Variants in PARM1 observed in about 807,000 individuals in gnomAD.
PARM1 encodes WSC4, cell wall integrity and stress response component 4 homolog.
Under a neutral mutation model 24.6 loss-of-function variants are expected in PARM1, and 14 were observed. The observed-to-expected ratio is 0.57, with a 90% CI of 0.38 to 0.89. PARM1 has a LOEUF of 0.89. PARM1 is among the 40% of genes least tolerant of loss of function. The probability of loss-of-function intolerance (pLI) is 0.00; values close to 1 mark genes in which losing one functional copy is unlikely to be tolerated. For synonymous variants in PARM1, 179 were observed against 156.6 expected, an observed-to-expected ratio of 1.14 and a Z score of -1.07; for missense variants, 362 against 380.4, an observed-to-expected ratio of 0.95 and a Z score of 0.40.
intron 1 of PARM1, among the ~76,000 whole-genome samples, chr4:74,981,645 G>A (rs1279422218): frequency 6.6e-6 from 1 of 152,128 alleles, no homozygotes; most frequent in Non-Finnish European, 1.5e-5. Context: ...GGGAGACCGA[G>A]GCGAGTGGAT....
At chr4:75,019,142 G>A (rs1047298266) in intron 2 of PARM1, among the ~76,000 whole-genome samples, 3 of 152,206 alleles carry the variant, frequency 2.0e-5, no homozygotes, top group African/African-American at 7.2e-5. Flanking sequence ...AAGAGAGAAA[G>A]ACGTGATCTG....
At position 74,998,300 on chromosome 4, in the gene PARM1, C is replaced by T. The variant is rs563488963; in HGVS notation, c.44-14125C>T. The stretch of plus-strand genomic sequence containing the variant: ...ATTTATGTTATTTTCAGCAGAGATG[C>T]AAACTCTGTAGTTAAAGCAAGCTGC... On this transcript the variant is annotated intron_variant, in intron 1 of 3. Coordinates refer to ENST00000307428, the MANE Select transcript of PARM1 (RefSeq NM_015393.4). Among the ~76,000 whole-genome samples the T allele has an allele frequency of 4.6e-5, 7 of 152,308 alleles. No homozygotes were observed. In the South Asian group the frequency reaches 1.4e-3, roughly 32 times the overall value.
chr4:74,991,051 A>T lies in PARM1; in HGVS notation c.44-21374A>T, dbSNP rs78489682. 8.4e-3 allele frequency among the ~76,000 whole-genome samples: 1,275 copies of T among 152,290 alleles called. 29 individuals carry two copies. Among genetic ancestry groups the T allele is most frequent in the African/African-American group, 0.03 (1,229 of 41,578 alleles). On this transcript the variant is annotated intron_variant, in intron 1 of 3. Coordinates refer to ENST00000307428, the MANE Select transcript of PARM1 (RefSeq NM_015393.4). ...AAGTAAAGAGTAATATATATTTTCA[A>T]CATGTGCATAGCACTGTATTAGGTG...
chr4:75,036,622 A>G (rs1175256019), intron 3 of PARM1, among the ~76,000 whole-genome samples: 2 of 152,210 alleles, frequency 1.3e-5, no homozygotes, highest in African/African-American at 4.8e-5. Flanking sequence ...CACATTAGTG[A>G]TGTGACACAG....
At position 75,033,915 on chromosome 4, in the gene PARM1, GC is replaced by G; in HGVS notation, c.804del (p.Val269TrpfsTer12). ...CGCCGCCATTACCGTGACAGTCATT[GC>G]CGTGGTGCTGCTGGTGTTTGGAGTT... ...SIAAITVTVIAVVLLVFGVAA... is the reference protein window; with the variant it reads ...SIAAITVTVIXVVLLVFGVAA... On this transcript the variant is annotated frameshift_variant, in exon 3 of 4. Coordinates refer to ENST00000307428, the MANE Select transcript of PARM1 (RefSeq NM_015393.4). LOFTEE classifies it high-confidence loss of function. 1 of 1,604,718 alleles carries G rather than the reference GC, an allele frequency of 6.2e-7. No homozygotes were observed. The highest frequency in any genetic ancestry group is 8.5e-7 in the Non-Finnish European group (1 of 1,175,628).
At chr4:74,936,284 A>G (rs1321203529) in intron 1 of PARM1, among the ~76,000 whole-genome samples, 2 of 152,152 alleles carry the variant, frequency 1.3e-5, no homozygotes, top group Admixed American at 6.5e-5. Flanking sequence ...CTGATTCCAG[A>G]TTAAAATACA....
chr4:75,036,986 T>C (rs558985203), intron 3 of PARM1, among the ~76,000 whole-genome samples: 2 of 152,336 alleles, frequency 1.3e-5, no homozygotes, highest in South Asian at 4.1e-4. Context: ...CTCTATTAAT[T>C]ATTTTGGTAA....
chr4:75,006,631 GA>G (rs1722774714), intron 1 of PARM1, among the ~76,000 whole-genome samples: 1 of 152,178 alleles, frequency 6.6e-6, no homozygotes, highest in South Asian at 2.1e-4. Flanking sequence ...ATAGCAGCAT[GA>G]TTTATAATCC....
chr4:74,941,069 C>A (rs1268093251), intron 1 of PARM1, among the ~76,000 whole-genome samples: 1 of 152,204 alleles, frequency 6.6e-6, no homozygotes, highest in Non-Finnish European at 1.5e-5. Flanking sequence ...ACACACTCTA[C>A]TTATCATGGG....
chr4:74,950,639 A>G (rs539261196), intron 1 of PARM1, among the ~76,000 whole-genome samples: 4 of 152,150 alleles, frequency 2.6e-5, no homozygotes, highest in African/African-American at 9.7e-5. Flanking sequence ...TCACATCTCA[A>G]TCATGTTCAT....
chr4:74,989,425 T>C (rs1001527510), intron 1 of PARM1, among the ~76,000 whole-genome samples: 4 of 152,166 alleles, frequency 2.6e-5, no homozygotes, highest in African/African-American at 9.7e-5. Flanking sequence ...TGTTCAAGGA[T>C]ATTACAAAGG....
At chr4:75,025,697 TGCGCAA>T in intron 2 of PARM1, among the ~76,000 whole-genome samples, 1 of 152,200 alleles carries the variant, frequency 6.6e-6, no homozygotes, top group South Asian at 2.1e-4. Context: ...GCACTGGGCT[TGCGCAA>T]GTGCAAGTAT....
chr4:75,019,742 G>T (rs535052415), intron 2 of PARM1, among the ~76,000 whole-genome samples: 1 of 152,134 alleles, frequency 6.6e-6, no homozygotes, highest in Non-Finnish European at 1.5e-5. Context: ...GGTGGCTCAC[G>T]CCTGTAATCC....
rs943387240 is a variant in PARM1 at position 75,043,216 on chromosome 4, G to T, written c.849-2947G>T. Among the ~76,000 whole-genome samples the T allele has an allele frequency of 5.9e-5, 9 of 152,286 alleles. No homozygotes were observed. In the East Asian group the frequency reaches 1.7e-3, roughly 29 times the overall value. Reference sequence around the variant, plus strand: ...AACTATGCCTGGGGTATAGTTTCAAGAGTTCCCAGTGGGAGGAGGTTCACT... The same window carrying T: ...AACTATGCCTGGGGTATAGTTTCAATAGTTCCCAGTGGGAGGAGGTTCACT... On this transcript the variant is annotated intron_variant, in intron 3 of 3. Coordinates refer to ENST00000307428, the MANE Select transcript of PARM1 (RefSeq NM_015393.4).
intron 1 of PARM1, chr4:74,966,710 G>A (rs895138656): frequency 2.6e-5 from 4 of 152,284 alleles, no homozygotes; most frequent in Non-Finnish European, 5.9e-5. Flanking sequence ...CATCTGGTTC[G>A]AATTTGAGTG....
intron 1 of PARM1, chr4:74,993,849 G>A (rs973800271): frequency 6.6e-6 from 1 of 152,062 alleles, no homozygotes; most frequent in African/African-American, 2.4e-5. Context: ...TGTTTTCATA[G>A]GTAGGTACAT....
At chr4:74,997,701 C>T (rs1026367125) in intron 1 of PARM1, 4 of 152,194 alleles carry the variant, frequency 2.6e-5, no homozygotes, top group African/African-American at 9.6e-5. Context: ...ATTTGAGACT[C>T]ACCTTTAAAA....
chr4:75,047,281 A>G lies in PARM1; in HGVS notation c.*1034A>G, dbSNP rs1202848406. 1 of 152,250 alleles carries G rather than the reference A, an allele frequency of 6.6e-6. No homozygotes were observed. The highest frequency in any genetic ancestry group is 1.5e-5 in the Non-Finnish European group (1 of 68,042). The allele number at this position is 152,250 out of a possible 1,614,324, so 9.4% of individuals were successfully genotyped here. A position where few individuals can be genotyped will look rare whatever the true frequency, so the allele number is the denominator to read the frequency against. Reference sequence around the variant, plus strand: ...TAATGGCTGTAAAATGTTTAAAAACAAAACAAAACAAAAAAGAGGCACTAG... The same window carrying G: ...TAATGGCTGTAAAATGTTTAAAAACGAAACAAAACAAAAAAGAGGCACTAG... On this transcript the variant is annotated 3_prime_UTR_variant, in exon 4 of 4. Coordinates refer to ENST00000307428, the MANE Select transcript of PARM1 (RefSeq NM_015393.4).
intron 1 of PARM1, among the ~76,000 whole-genome samples, chr4:74,986,057 G>A (rs1722349426): frequency 6.6e-6 from 1 of 152,136 alleles, no homozygotes; most frequent in Non-Finnish European, 1.5e-5. Flanking sequence ...ATGAGCCACT[G>A]CACCCGGCCT....
Sources: allele counts gnomAD v4.1 joint callset (sites outside exome capture counted in the v4.1 genomes callset), GRCh38; gene constraint gnomAD v4.1.1; transcripts MANE v1.5; gene names NCBI Gene and HGNC (gene_info 2026-07-23, HGNC 2026-07-21).